The following FRS2 variants were observed in gnomAD, a reference collection of about 807,000 sequenced individuals.
The protein encoded by FRS2 is FGFR signalling adaptor.
In FRS2, 8 loss-of-function variants were observed where a neutral mutation model predicts 43.9. The observed-to-expected ratio is 0.18, with a 90% confidence interval of 0.11 to 0.33. The LOEUF (loss-of-function observed/expected upper bound fraction) is 0.33, where lower values mean the gene tolerates loss of function less well. Ranked by LOEUF, FRS2 falls within the 10% of genes least tolerant of loss-of-function variation. FRS2 has a pLI of 1.00. For missense variants in FRS2, 534 were observed against 627.6 expected (o/e 0.85, Z 1.59); for synonymous variants, 219 against 220.3 (o/e 0.99, Z 0.05).
chr12:69,471,109 A>G (rs1230704128), intron 1 of FRS2, among the ~76,000 whole-genome samples: 1 of 152,044 alleles, frequency 6.6e-6, no homozygotes, highest in Non-Finnish European at 1.5e-5. Context: ...CCGGTCCTGG[A>G]TACGTAGGTC....
At chr12:69,507,736 A>C (rs1005005166) in intron 1 of FRS2, among the ~76,000 whole-genome samples, 2 of 152,150 alleles carry the variant, frequency 1.3e-5, no homozygotes, top group African/African-American at 4.8e-5. Context: ...GGTACTTAAA[A>C]AGTTGCAGCC....
chr12:69,555,121 T>G (rs1435976483), intron 3 of FRS2, among the ~76,000 whole-genome samples: 2 of 152,046 alleles, frequency 1.3e-5, no homozygotes, highest in Non-Finnish European at 2.9e-5. Context: ...CTCAGCTCAC[T>G]GCAACTTCTG....
At chr12:69,532,947 G>T (rs1041868346) in intron 3 of FRS2, among the ~76,000 whole-genome samples, 3 of 152,080 alleles carry the variant, frequency 2.0e-5, no homozygotes, top group Non-Finnish European at 2.9e-5. Flanking sequence ...TGAGTCTTTT[G>T]TATGGCATAG....
intron 1 of FRS2, among the ~76,000 whole-genome samples, chr12:69,516,015 C>T (rs1203795686): frequency 1.3e-5 from 2 of 151,172 alleles, no homozygotes; most frequent in African/African-American, 4.9e-5. Flanking sequence ...CCCATAGTTT[C>T]TGTGATGTCA....
intron 1 of FRS2, among the ~76,000 whole-genome samples, chr12:69,502,204 G>A (rs998600535): frequency 6.6e-6 from 1 of 152,100 alleles, no homozygotes; most frequent in African/African-American, 2.4e-5. Context: ...GAACTCAAGT[G>A]ATCTGCCCAC....
chr12:69,554,284 C>CTTT, intron 3 of FRS2, among the ~76,000 whole-genome samples: 1 of 152,142 alleles, frequency 6.6e-6, no homozygotes, highest in African/African-American at 2.4e-5. Context: ...AAATCCTTTT[C>CTTT]ATTCTACCAC....
chr12:69,534,022 TGA>T (rs1156870890), intron 3 of FRS2, among the ~76,000 whole-genome samples: 1 of 152,196 alleles, frequency 6.6e-6, no homozygotes, highest in Non-Finnish European at 1.5e-5. Flanking sequence ...GTGGAAAGAC[TGA>T]GAGAGATTTC....
chr12:69,559,401 G>C (rs1180600655), intron 3 of FRS2, among the ~76,000 whole-genome samples: 1 of 151,866 alleles, frequency 6.6e-6, no homozygotes, highest in Non-Finnish European at 1.5e-5. Context: ...AAAAAGAGGG[G>C]GTGAGTGGAG....
chr12:69,556,841 G>A lies in FRS2; in HGVS notation c.-121-5339G>A, dbSNP rs537627029. 5.9e-5 allele frequency among the ~76,000 whole-genome samples: 9 copies of A among 152,280 alleles called. No homozygotes were observed. The South Asian group carries it at 1.7e-3, about 28-fold the overall frequency. On this transcript the variant is annotated intron_variant, in intron 3 of 8. Coordinates refer to ENST00000549921, the MANE Select transcript of FRS2 (RefSeq NM_001278356.2). The stretch of plus-strand genomic sequence containing the variant: ...TTGTTTTAAAAAATAAAGCCATGAA[G>A]CCAAATGCTTTTTAAGAACTATTAG...
At chr12:69,496,691 A>G (rs1412894416) in intron 1 of FRS2, among the ~76,000 whole-genome samples, 3 of 152,200 alleles carry the variant, frequency 2.0e-5, no homozygotes, top group African/African-American at 7.2e-5. Context: ...TTATTAGGAA[A>G]CACTCTATAC....
chr12:69,509,787 C>G (rs1874291064), intron 1 of FRS2, among the ~76,000 whole-genome samples: 1 of 152,186 alleles, frequency 6.6e-6, no homozygotes, highest in Non-Finnish European at 1.5e-5. Context: ...CAATTCTCCT[C>G]ATCCTTATGG....
rs376896422 is a variant in FRS2 at position 69,557,594 on chromosome 12, T to TTG, written c.-121-4561_-121-4560dup. On this transcript the variant is annotated intron_variant, in intron 3 of 8. Coordinates refer to ENST00000549921, the MANE Select transcript of FRS2 (RefSeq NM_001278356.2). ...TTTCTTTGAGAGTTCTGAAGGTTGA[T>TTG]TGTGTGTGTGTGTGTGTGTGTGTGT... Among the ~76,000 whole-genome samples the TTG allele has an allele frequency of 7.5e-3, 1,032 of 137,070 alleles. 3 individuals carry two copies. The highest frequency in any genetic ancestry group is 7.9e-3 in the South Asian group (29 of 3,666). The allele number at this position is 137,070 out of a possible 152,430, so 89.9% of individuals were successfully genotyped here.
At chr12:69,509,547 T>C (rs1300090539) in intron 1 of FRS2, among the ~76,000 whole-genome samples, 1 of 152,216 alleles carries the variant, frequency 6.6e-6, no homozygotes, top group African/African-American at 2.4e-5. Flanking sequence ...TCCAGAACTT[T>C]TTCATCATCT....
In FRS2 at chr12:69,578,101, T is replaced by A. The variant is rs1881311405; in HGVS notation, c.*3146T>A. ...ATTTCCCAACAATGTGCCGCCATAT[T>A]TTTGCCTCAAGGTAAAGGTTTTAAC... On this transcript the variant is annotated 3_prime_UTR_variant, in exon 9 of 9. Transcript: ENST00000549921. 1 of 152,596 alleles carries A rather than the reference T, an allele frequency of 6.6e-6. No individual in the cohort carries two copies. Among genetic ancestry groups the A allele is most frequent in the African/African-American group, 2.4e-5 (1 of 41,438 alleles). 9.5% of individuals were successfully genotyped at this position (152,596 alleles called of 1,614,324 possible). A position where few individuals can be genotyped will look rare whatever the true frequency, so the allele number is the denominator to read the frequency against.
At chr12:69,567,629 C>T (rs914643002) in intron 4 of FRS2, among the ~76,000 whole-genome samples, 5 of 152,166 alleles carry the variant, frequency 3.3e-5, no homozygotes, top group African/African-American at 1.2e-4. Flanking sequence ...TTTGGGTTAG[C>T]ATATGCATGA....
chr12:69,543,481 G>A (rs1441141940), intron 3 of FRS2, among the ~76,000 whole-genome samples: 1 of 152,140 alleles, frequency 6.6e-6, no homozygotes, highest in Non-Finnish European at 1.5e-5. Flanking sequence ...TACGTTTTGT[G>A]GTGGCATTGG....
intron 1 of FRS2, among the ~76,000 whole-genome samples, chr12:69,505,161 T>C (rs1873812133): frequency 6.6e-6 from 1 of 152,208 alleles, no homozygotes; most frequent in African/African-American, 2.4e-5. Context: ...ACCTGGCCTC[T>C]TCTAATTTCC....
At chr12:69,538,758 T>A (rs1877584776) in intron 3 of FRS2, among the ~76,000 whole-genome samples, 1 of 152,166 alleles carries the variant, frequency 6.6e-6, no homozygotes, top group Admixed American at 6.5e-5. Context: ...AAATTTAGGT[T>A]CCCTTATATT....
Position 69,576,082 on chromosome 12 carries a change from T to C in FRS2, c.*1127T>C, listed in dbSNP as rs1469115155. 2.0e-5 allele frequency: 3 copies of C among 152,612 alleles called. No individual in the cohort carries two copies. The highest frequency in any genetic ancestry group is 7.2e-5 in the African/African-American group (3 of 41,428). The allele number at this position is 152,612 out of a possible 1,614,324, so 9.5% of individuals were successfully genotyped here. ...TGCTTGTGTCCATAGGTGATCTCTT[T>C]AGCAAACTGAGAAAAAAAGGAAGCT... On this transcript the variant is annotated 3_prime_UTR_variant, in exon 9 of 9. Transcript: ENST00000549921.
Sources: gnomAD v4.1 joint callset for allele counts (sites outside exome capture counted in the v4.1 genomes callset) on GRCh38, gnomAD v4.1.1 for gene constraint, MANE v1.5 for transcripts, NCBI Gene and HGNC (gene_info 2026-07-23, HGNC 2026-07-21) for gene names.